Variants in CEP41 observed in about 807,000 individuals in gnomAD.
CEP41 encodes centrosomal protein of 41 kDa.
In CEP41, 32 loss-of-function variants were observed where a neutral mutation model predicts 44.3. The ratio of observed to expected loss-of-function variants is 0.72; its 90% CI spans 0.54 to 0.97. The LOEUF (loss-of-function observed/expected upper bound fraction) is 0.97, where lower values mean the gene tolerates loss of function less well. Among genes scored for constraint, CEP41 ranks in the 50% least tolerant of loss-of-function variants. The pLI is 0.00. For synonymous variants in CEP41, 151 were observed against 168.5 expected (o/e 0.90, Z 0.80); for missense variants, 432 against 455.2 (o/e 0.95, Z 0.46).
At chr7:130,423,390 T>C (rs1797566629) in intron 2 of CEP41, among the ~76,000 whole-genome samples, 1 of 152,196 alleles carries the variant, frequency 6.6e-6, no homozygotes, top group South Asian at 2.1e-4. Flanking sequence ...TATCAGTCAT[T>C]AGGAACATGA....
chr7:130,424,166 G>A (rs1349986934), intron 2 of CEP41, among the ~76,000 whole-genome samples: 1 of 152,176 alleles, frequency 6.6e-6, no homozygotes, highest in Non-Finnish European at 1.5e-5. Flanking sequence ...GGAGGCCGAG[G>A]CAGGTGGATC....
rs1431715677 is a variant in CEP41, at chr7:130,396,939, T to C, written c.*1952A>G. The C allele has an allele frequency of 1.3e-5, 6 of 453,644 alleles. No homozygotes were observed. Among genetic ancestry groups the C allele is most frequent in the African/African-American group, 1.2e-4 (6 of 49,926 alleles). The allele number at this position is 453,644 out of a possible 1,614,324, so 28.1% of individuals were successfully genotyped here. A position where few individuals can be genotyped will look rare whatever the true frequency, so the allele number is the denominator to read the frequency against. On this transcript the variant is annotated 3_prime_UTR_variant, in exon 11 of 11. Transcript: ENST00000223208. ...GAATCGGAACAAGGAGGGAAGACCA[T>C]TTACTTTCAAAATAGAATCCGGCAG...
intron 2 of CEP41, among the ~76,000 whole-genome samples, chr7:130,423,594 T>C (rs1349126520): frequency 2.0e-5 from 3 of 152,180 alleles, no homozygotes; most frequent in African/African-American, 7.2e-5. Flanking sequence ...AGTTACCATA[T>C]GAAAAGCAAT....
At chr7:130,413,589 A>AT (rs1797249473) in intron 3 of CEP41, among the ~76,000 whole-genome samples, 1 of 104,888 alleles carries the variant, frequency 9.5e-6, no homozygotes, top group Non-Finnish European at 2.1e-5. Flanking sequence ...AAAAAAAAAA[A>AT]CAAAAAAAAA....
chr7:130,394,700 G>C lies in CEP41; in HGVS notation c.*4191C>G, dbSNP rs561223574. 107 of 454,114 alleles carry C rather than the reference G, an allele frequency of 2.4e-4. No homozygotes were observed. Among genetic ancestry groups the C allele is most frequent in the African/African-American group, 1.8e-3 (90 of 50,130 alleles). The allele number at this position is 454,114 out of a possible 1,614,324, so 28.1% of individuals were successfully genotyped here. On this transcript the variant is annotated 3_prime_UTR_variant, in exon 11 of 11. Transcript: ENST00000223208. ...GTCTCCAGAATGACAGACTAGCACT[G>C]AGTGGCCACCACAGTGGGCATCACA...
intron 1 of CEP41, among the ~76,000 whole-genome samples, chr7:130,436,631 CT>C (rs1797972013): frequency 7.5e-6 from 1 of 132,564 alleles, no homozygotes; most frequent in Non-Finnish European, 1.6e-5. Context: ...ATACATAGGA[CT>C]TCTTTGTACT....
chr7:130,434,742 T>C (rs1797914211), intron 1 of CEP41, among the ~76,000 whole-genome samples: 1 of 152,212 alleles, frequency 6.6e-6, no homozygotes, highest in Admixed American at 6.5e-5. Context: ...CACAAAATAA[T>C]GTCTGTTTTA....
intron 1 of CEP41, among the ~76,000 whole-genome samples, chr7:130,440,100 A>C (rs1584915011): frequency 6.6e-6 from 1 of 152,012 alleles, no homozygotes; most frequent in East Asian, 1.9e-4. Flanking sequence ...GCTCACTGGA[A>C]CCTCCATCTC....
intron 10 of CEP41, 100 bp downstream of exon 10, chr7:130,399,939 A>G (rs1482994645): frequency 2.2e-6 from 2 of 927,706 alleles, no homozygotes; most frequent in African/African-American, 3.2e-5. Context: ...CCTCCCTAGT[A>G]TTTTAAGAAT....
intron 1 of CEP41, chr7:130,440,557 A>C (rs1554427316): frequency 2.5e-5 from 11 of 439,716 alleles, no homozygotes; most frequent in Non-Finnish European, 3.4e-5. Context: ...GTATCCCCAC[A>C]ATCAGAGATG....
chr7:130,409,242 G>A (rs1797102767), intron 5 of CEP41, among the ~76,000 whole-genome samples: 1 of 152,012 alleles, frequency 6.6e-6, no homozygotes. Flanking sequence ...TAGAGCACTA[G>A]AAAAACACTA....
intron 4 of CEP41, among the ~76,000 whole-genome samples, chr7:130,411,415 T>C (rs1312275035): frequency 6.6e-6 from 1 of 152,158 alleles, no homozygotes; most frequent in East Asian, 1.9e-4. Flanking sequence ...GAACACTACA[T>C]AAACTTAGAA....
In CEP41 at chr7:130,398,742, A is replaced by G. The variant is rs551283813; in HGVS notation, c.*149T>C. On this transcript the variant is annotated 3_prime_UTR_variant, in exon 11 of 11. Transcript: ENST00000223208. ...GAGGTGGCCTCCTGAGGGGAGAGGA[A>G]CTGGAGACAGGGACAGGGAAGAGGC... 226 of 970,748 alleles carry G rather than the reference A, an allele frequency of 2.3e-4. No homozygotes were observed. Among genetic ancestry groups the G allele is most frequent in the Non-Finnish European group, 3.5e-4 (212 of 606,476 alleles). 60.1% of individuals were successfully genotyped at this position (970,748 alleles called of 1,614,324 possible).
intron 2 of CEP41, chr7:130,422,110 TA>T: frequency 1.5e-6 from 2 of 1,361,422 alleles, no homozygotes; most frequent in African/African-American, 1.5e-5. Context: ...GCCAGAGGTA[TA>T]AAAACAAAAA....
chr7:130,416,897 A>AACC (rs1562987465), intron 3 of CEP41, 22 bp downstream of exon 3: 4 of 1,556,376 alleles, frequency 2.6e-6, no homozygotes, highest in Non-Finnish European at 3.5e-6. Context: ...CACTCTCCCA[A>AACC]ACCATCAAGA....
At chr7:130,405,066 G>A (rs1796969232) in intron 5 of CEP41, among the ~76,000 whole-genome samples, 1 of 152,200 alleles carries the variant, frequency 6.6e-6, no homozygotes, top group Admixed American at 6.5e-5. Context: ...CATCACGCAT[G>A]CATTCACAGT....
chr7:130,406,141 T>A (rs550666169), intron 5 of CEP41, among the ~76,000 whole-genome samples: 6 of 152,344 alleles, frequency 3.9e-5, no homozygotes, highest in African/African-American at 1.2e-4. Flanking sequence ...GTTCCCAGTT[T>A]AAATTTTTAA....
At chr7:130,403,869 G>T (rs971218879) in intron 6 of CEP41, among the ~76,000 whole-genome samples, 2 of 152,142 alleles carry the variant, frequency 1.3e-5, no homozygotes, top group Non-Finnish European at 2.9e-5. Flanking sequence ...AAAGCTAAAA[G>T]AATAATAATA....
At position 130,397,034 on chromosome 7, in the gene CEP41, T is replaced by C. The variant is rs1796683134; in HGVS notation, c.*1857A>G. Reference sequence around the variant, plus strand: ...AGAACTTTCTTACAGAGAAAAATCTTTTTTCCTTAAAAATGTATATGTGGC... The same window carrying C: ...AGAACTTTCTTACAGAGAAAAATCTCTTTTCCTTAAAAATGTATATGTGGC... On this transcript the variant is annotated 3_prime_UTR_variant, in exon 11 of 11. Coordinates refer to ENST00000223208, the MANE Select transcript of CEP41 (RefSeq NM_018718.3). 2.2e-6 allele frequency: 1 copy of C among 454,354 alleles called. No homozygotes were observed. Among genetic ancestry groups the C allele is most frequent in the Non-Finnish European group, 4.4e-6 (1 of 226,788 alleles). 28.1% of individuals were successfully genotyped at this position (454,354 alleles called of 1,614,324 possible).
Sources: allele counts gnomAD v4.1 joint callset (sites outside exome capture counted in the v4.1 genomes callset), GRCh38; gene constraint gnomAD v4.1.1; transcripts MANE v1.5; gene names NCBI Gene and HGNC (gene_info 2026-07-23, HGNC 2026-07-21).